KIAA1328: variants seen among roughly 807,000 people sequenced by gnomAD.
The protein encoded by KIAA1328 is protein hinderin.
In KIAA1328, 52 loss-of-function variants were observed where a neutral mutation model predicts 68.1. That is an observed-to-expected ratio of 0.76 (90% CI 0.61 to 0.96). The LOEUF (loss-of-function observed/expected upper bound fraction) is 0.96. Among genes scored for constraint, KIAA1328 ranks in the 40% least tolerant of loss-of-function variants. The probability of loss-of-function intolerance (pLI) is 0.00; values close to 1 mark genes in which losing one functional copy is unlikely to be tolerated. For missense variants in KIAA1328, 641 were observed against 677.6 expected (o/e 0.95, Z 0.60); for synonymous variants, 232 against 239.4 (o/e 0.97, Z 0.28).
At chr18:37,052,133 CA>C (rs1211323604) in intron 6 of KIAA1328, among the ~76,000 whole-genome samples, 2 of 151,774 alleles carry the variant, frequency 1.3e-5, no homozygotes, top group African/African-American at 4.8e-5. Flanking sequence ...AGCAACACAT[CA>C]AAAGGATAAT....
At chr18:37,031,768 T>C (rs995477786) in intron 6 of KIAA1328, among the ~76,000 whole-genome samples, 3 of 152,216 alleles carry the variant, frequency 2.0e-5, no homozygotes, top group Admixed American at 2.0e-4. Flanking sequence ...TTAACCTTCT[T>C]TTAAATAATT....
intron 5 of KIAA1328, among the ~76,000 whole-genome samples, chr18:36,927,149 G>A (rs1049872756): frequency 1.3e-5 from 2 of 152,226 alleles, no homozygotes; most frequent in South Asian, 2.1e-4. Flanking sequence ...AGATTTGGAG[G>A]GGACAAATAT....
At chr18:36,836,937 G>A (rs1395828102) in intron 3 of KIAA1328, among the ~76,000 whole-genome samples, 1 of 152,006 alleles carries the variant, frequency 6.6e-6, no homozygotes, top group African/African-American at 2.4e-5. Flanking sequence ...TGATTTCAAG[G>A]TTCATCTATT....
intron 6 of KIAA1328, among the ~76,000 whole-genome samples, chr18:37,062,219 C>G (rs1455083610): frequency 6.6e-6 from 1 of 152,066 alleles, no homozygotes; most frequent in Non-Finnish European, 1.5e-5. Context: ...TGAACTCATT[C>G]ACTTTAGAAG....
chr18:36,834,256 A>C, intron 1 of KIAA1328, 64 bp from the exon 2 acceptor site: 1 of 1,441,708 alleles, frequency 6.9e-7, no homozygotes, highest in Non-Finnish European at 9.2e-7. Flanking sequence ...AGGTATACAG[A>C]ACAGAAGCAG....
chr18:36,839,806 G>A (rs1385094324), intron 3 of KIAA1328, among the ~76,000 whole-genome samples: 1 of 152,066 alleles, frequency 6.6e-6, no homozygotes, highest in Non-Finnish European at 1.5e-5. Context: ...TCTTCCTGAT[G>A]CCCCTTAAAT....
intron 3 of KIAA1328, among the ~76,000 whole-genome samples, chr18:36,840,338 G>A (rs2046817694): frequency 6.6e-6 from 1 of 152,074 alleles, no homozygotes; most frequent in South Asian, 2.1e-4. Flanking sequence ...CTCCATCTGG[G>A]CTAGAAGAGG....
chr18:37,011,413 C>A (rs2053976393), intron 6 of KIAA1328, among the ~76,000 whole-genome samples: 1 of 152,108 alleles, frequency 6.6e-6, no homozygotes, highest in Admixed American at 6.6e-5. Context: ...AATCCATCAC[C>A]AAATCCAGTG....
rs372550512 is a variant in KIAA1328, at chr18:37,020,457, C to T, written c.577-46433C>T. On this transcript the variant is annotated intron_variant, in intron 6 of 9. Coordinates refer to ENST00000280020, the MANE Select transcript of KIAA1328 (RefSeq NM_020776.3). ...GTATTTCTTAAAAATAGTTAAATAA[C>T]TTCTCTCATGCAAAATTAACTTGAA... is the stretch of plus-strand genomic sequence containing the variant. Among the ~76,000 whole-genome samples the T allele has an allele frequency of 2.6e-5, 4 of 152,320 alleles. No individual in the cohort carries two copies. The South Asian group carries it at 6.2e-4, about 24-fold the overall frequency.
At chr18:37,185,990 C>A (rs913428222) in intron 9 of KIAA1328, among the ~76,000 whole-genome samples, 6 of 150,734 alleles carry the variant, frequency 4.0e-5, no homozygotes, top group African/African-American at 1.5e-4. Flanking sequence ...CTATTAGGCA[C>A]AATTCTGAAC....
chr18:37,185,193 T>C (rs2059772804), intron 9 of KIAA1328, among the ~76,000 whole-genome samples: 1 of 151,490 alleles, frequency 6.6e-6, no homozygotes, highest in East Asian at 1.9e-4. Flanking sequence ...GTTTGGGTTT[T>C]GTGCTGGTCA....
intron 5 of KIAA1328, among the ~76,000 whole-genome samples, chr18:36,908,966 C>T (rs2049323902): frequency 6.6e-6 from 1 of 152,010 alleles, no homozygotes; most frequent in Admixed American, 6.6e-5. Flanking sequence ...CTTAGTAGTG[C>T]CAGAATTGAA....
intron 6 of KIAA1328, among the ~76,000 whole-genome samples, chr18:37,054,147 A>G (rs2055816249): frequency 1.3e-5 from 2 of 152,148 alleles, no homozygotes; most frequent in South Asian, 4.1e-4. Flanking sequence ...TAAAATGTAA[A>G]AAAATGTAAA....
Position 37,222,159 on chromosome 18 carries a change from A to C in KIAA1328, c.1666A>C (p.Met556Leu), listed in dbSNP as rs780600715. 6.2e-7 allele frequency: 1 copy of C among 1,607,126 alleles called. No homozygotes were observed. Among genetic ancestry groups the C allele is most frequent in the South Asian group, 1.1e-5 (1 of 89,588 alleles). The change falls in exon 10 of 10, where the codon ATG becomes CTG. Residue 556 changes from methionine to leucine, a missense_variant. Transcript: ENST00000280020. ...LSPLKSTRKK[M>L]GMHRTPEELE... ...TCCTCTAAAATCAACCCGGAAGAAG[A>C]TGGGGATGCACAGAACCCCTGAAGA...
intron 6 of KIAA1328, among the ~76,000 whole-genome samples, chr18:37,048,976 G>A (rs2055583874): frequency 6.6e-6 from 1 of 152,118 alleles, no homozygotes; most frequent in Admixed American, 6.5e-5. Context: ...GAGGTTGAAA[G>A]TAACATTTTC....
chr18:37,184,300 A>G (rs1415838599), intron 9 of KIAA1328, among the ~76,000 whole-genome samples: 5 of 152,166 alleles, frequency 3.3e-5, no homozygotes, highest in African/African-American at 1.2e-4. Flanking sequence ...GGATTAGAAA[A>G]CATCTTGGCT....
At chr18:36,833,256 T>C (rs981830743) in intron 1 of KIAA1328, 9 of 152,020 alleles carry the variant, frequency 5.9e-5, no homozygotes, top group African/African-American at 2.2e-4. Context: ...AGTACCTATA[T>C]GGTTAGGAAG....
At chr18:37,150,535 G>A (rs1368661420) in intron 7 of KIAA1328, among the ~76,000 whole-genome samples, 2 of 151,338 alleles carry the variant, frequency 1.3e-5, no homozygotes, top group Non-Finnish European at 2.9e-5. Context: ...ATGACAGGCC[G>A]GTCTTCCTCA....
intron 7 of KIAA1328, among the ~76,000 whole-genome samples, chr18:37,159,455 A>G (rs2059228886): frequency 6.6e-6 from 1 of 152,196 alleles, no homozygotes; most frequent in Non-Finnish European, 1.5e-5. Flanking sequence ...CATGGGGAAG[A>G]CAAAACCAAA....
Sources: gnomAD v4.1 joint callset for allele counts (sites outside exome capture counted in the v4.1 genomes callset) on GRCh38, gnomAD v4.1.1 for gene constraint, MANE v1.5 for transcripts, NCBI Gene and HGNC (gene_info 2026-07-23, HGNC 2026-07-21) for gene names.